Variants in ESR2 observed in about 807,000 individuals in gnomAD.
The protein encoded by ESR2 is estrogen receptor beta.
In ESR2, 36 loss-of-function variants were observed where a neutral mutation model predicts 49.6. The observed-to-expected ratio is 0.73, with a 90% CI of 0.56 to 0.96. The LOEUF is 0.96. Ranked by LOEUF, ESR2 falls within the 40% of genes least tolerant of loss-of-function variation. ESR2 has a pLI of 0.00. For synonymous variants in ESR2, 320 were observed against 266.1 expected (o/e 1.20, Z -1.97); for missense variants, 714 against 693.0 (o/e 1.03, Z -0.34).
At chr14:64,326,736 T>C (rs1189550666) in intron 1 of ESR2, among the ~76,000 whole-genome samples, 3 of 152,202 alleles carry the variant, frequency 2.0e-5, no homozygotes, top group East Asian at 3.8e-4. Context: ...ACCAGAAATA[T>C]GAAACTCCGC....
chr14:64,236,040 G>C (rs568452028), intron 7 of ESR2, among the ~76,000 whole-genome samples: 1 of 152,344 alleles, frequency 6.6e-6, no homozygotes, highest in South Asian at 2.1e-4. Flanking sequence ...GGGAGCTGCT[G>C]AGTCTTGGCT....
At chr14:64,239,916 C>G (rs994053388) in intron 7 of ESR2, among the ~76,000 whole-genome samples, 2 of 152,200 alleles carry the variant, frequency 1.3e-5, no homozygotes, top group Non-Finnish European at 2.9e-5. Flanking sequence ...CACCATGGAT[C>G]AGACCTTTGA....
chr14:64,332,033 A>G (rs1193284476), intron 1 of ESR2, among the ~76,000 whole-genome samples: 3 of 152,178 alleles, frequency 2.0e-5, no homozygotes, highest in Admixed American at 2.0e-4. Flanking sequence ...GAAGATGAAA[A>G]GGACAAAGAC....
At chr14:64,307,993 G>A (rs1265760278) in intron 1 of ESR2, among the ~76,000 whole-genome samples, 9 of 151,456 alleles carry the variant, frequency 5.9e-5, no homozygotes, top group South Asian at 2.1e-4. Flanking sequence ...TTCTAATTTC[G>A]TTTTTTGTTT....
chr14:64,312,775 G>A (rs1172576861), intron 1 of ESR2, among the ~76,000 whole-genome samples: 2 of 152,080 alleles, frequency 1.3e-5, no homozygotes, highest in Admixed American at 1.3e-4. Flanking sequence ...CAGGCATGGT[G>A]GTGCACATCT....
intron 5 of ESR2, 82 bp downstream of exon 5, chr14:64,260,367 C>T: frequency 7.5e-7 from 1 of 1,326,570 alleles, no homozygotes; most frequent in South Asian, 1.3e-5. Context: ...TCATGGACCT[C>T]TACTTTGTAC....
At chr14:64,283,497 G>A (rs1285462758) in intron 1 of ESR2, among the ~76,000 whole-genome samples, 1 of 152,038 alleles carries the variant, frequency 6.6e-6, no homozygotes, top group Non-Finnish European at 1.5e-5. Flanking sequence ...AGTGGCTCAC[G>A]CCTGTAATCC....
chr14:64,238,066 T>C (rs1042075867), intron 7 of ESR2, among the ~76,000 whole-genome samples: 10 of 152,174 alleles, frequency 6.6e-5, no homozygotes, highest in Non-Finnish European at 1.3e-4. Flanking sequence ...TTACTAAAAA[T>C]AATAGTAATA....
At chr14:64,260,418 A>G in intron 5 of ESR2, 31 bp downstream of exon 5, 1 of 1,521,596 alleles carries the variant, frequency 6.6e-7, no homozygotes, top group Non-Finnish European at 8.8e-7. Flanking sequence ...TTCTACAAGT[A>G]CATGGAAAAC....
chr14:64,249,608 C>T lies in ESR2; in HGVS notation c.1163G>A (p.Arg388Gln), dbSNP rs764756707. The T allele has an allele frequency of 4.3e-5, 69 of 1,613,796 alleles. No individual in the cohort carries two copies. Among genetic ancestry groups the T allele is most frequent in the Middle Eastern group, 1.6e-4 (1 of 6,082 alleles). The change falls in exon 7 of 9, where the codon CGA becomes CAA. Residue 388 changes from arginine to glutamine, a missense_variant. Transcript: ENST00000341099. ...DMLLATTSRF[R>Q]ELKLQHKEYL... ...TTCTTTGTGTTGGAGTTTTAACTCT[C>T]GAAACCTTGAAGTAGTTGCCAGGAG...
chr14:64,258,486 C>T (rs1375054920), intron 5 of ESR2, among the ~76,000 whole-genome samples: 1 of 152,192 alleles, frequency 6.6e-6, no homozygotes, highest in Admixed American at 6.5e-5. Flanking sequence ...TAGCTGTTCA[C>T]TTAATCTCCC....
chr14:64,249,826 G>A, intron 6 of ESR2, 147 bp from the exon 7 acceptor site: 1 of 730,136 alleles, frequency 1.4e-6, no homozygotes, highest in Non-Finnish European at 2.2e-6. Flanking sequence ...GGGTGTTAAT[G>A]AGACCACACC....
At chr14:64,258,787 A>G (rs576201191) in intron 5 of ESR2, among the ~76,000 whole-genome samples, 1 of 152,354 alleles carries the variant, frequency 6.6e-6, no homozygotes, top group East Asian at 1.9e-4. Context: ...GTGATTGACA[A>G]TAAGCCTACC....
In ESR2 at chr14:64,233,326, A is replaced by G. The variant is rs75630667; in HGVS notation, c.1407-3T>C. 7 of 1,607,024 alleles carry G rather than the reference A, an allele frequency of 4.4e-6. No homozygotes were observed. The highest frequency in any genetic ancestry group is 6.0e-6 in the Non-Finnish European group (7 of 1,174,028). ...GCAGATGTTCCATGCCCTTGTTACTATGGGGACAAAAAGGTGCTGAGATTC... is the reference window on the plus strand; with the variant it reads ...GCAGATGTTCCATGCCCTTGTTACTGTGGGGACAAAAAGGTGCTGAGATTC... On this transcript the variant is annotated splice_polypyrimidine_tract_variant and splice_region_variant and intron_variant, in intron 8 of 8. Coordinates refer to ENST00000341099, the MANE Select transcript of ESR2 (RefSeq NM_001437.3).
At chr14:64,270,007 G>A (rs2076406668) in intron 3 of ESR2, among the ~76,000 whole-genome samples, 1 of 152,150 alleles carries the variant, frequency 6.6e-6, no homozygotes, top group African/African-American at 2.4e-5. Flanking sequence ...ATGGGTTTGA[G>A]AAAGGGTTAA....
chr14:64,313,392 G>C (rs1313593568), intron 1 of ESR2, among the ~76,000 whole-genome samples: 2 of 152,068 alleles, frequency 1.3e-5, no homozygotes, highest in South Asian at 2.1e-4. Flanking sequence ...AAATCAGCCA[G>C]ATGTGGTGGT....
At chr14:64,304,231 C>A (rs758104913) in intron 1 of ESR2, among the ~76,000 whole-genome samples, 1 of 152,176 alleles carries the variant, frequency 6.6e-6, no homozygotes, top group African/African-American at 2.4e-5. Flanking sequence ...CACCTGAGCC[C>A]GGCAGGTTCG....
intron 1 of ESR2, among the ~76,000 whole-genome samples, chr14:64,320,347 C>T (rs2077310643): frequency 6.6e-6 from 1 of 151,440 alleles, no homozygotes; most frequent in Admixed American, 6.6e-5. Context: ...AGGAGAATTG[C>T]TTTAGCCCAG....
rs74974452 is a variant in ESR2 at position 64,235,175 on chromosome 14, G to C, written c.1226-25C>G. On this transcript the variant is annotated intron_variant, in intron 7 of 8. Transcript: ENST00000341099. The stretch of plus-strand genomic sequence containing the variant: ...CCTGGACAAAGAATAAAAGCCAGAA[G>C]TCATTGCTCTGAGCAAAGGAGCAGA... The C allele has an allele frequency of 2.8e-4, 451 of 1,601,940 alleles. No individual in the cohort carries two copies. The African/African-American group carries it at 4.9e-3, about 18-fold the overall frequency.
Sources: gnomAD v4.1 joint callset for allele counts (sites outside exome capture counted in the v4.1 genomes callset) on GRCh38, gnomAD v4.1.1 for gene constraint, MANE v1.5 for transcripts, NCBI Gene and HGNC (gene_info 2026-07-23, HGNC 2026-07-21) for gene names.